DMD: variants seen among roughly 807,000 people sequenced by gnomAD.
DMD encodes mutant dystrophin.
Under a neutral mutation model 330.1 loss-of-function variants are expected in DMD, and 63 were observed. The observed-to-expected ratio is 0.19, with a 90% confidence interval of 0.16 to 0.24. DMD has a LOEUF of 0.24. Among genes scored for constraint, DMD ranks in the 10% least tolerant of loss-of-function variants. The probability of loss-of-function intolerance (pLI) is 1.00; values close to 1 mark genes in which losing one functional copy is unlikely to be tolerated. For synonymous variants in DMD, 1,223 were observed against 959.8 expected (o/e 1.27, Z -5.07); for missense variants, 3,344 against 2,684.1 (o/e 1.25, Z -5.43).
rs750954015 is a variant in DMD at position 33,070,578 on chromosome X, T to C, written c.32-50378A>G. Among the ~76,000 whole-genome samples, 33 of 105,917 alleles carry C rather than the reference T, an allele frequency of 3.1e-4. No individual in the cohort carries two copies. In the South Asian group the frequency reaches 6.4e-3, roughly 20 times the overall value. The allele number at this position is 105,917 out of a possible 115,157, so 92.0% of individuals were successfully genotyped here. On this transcript the variant is annotated intron_variant, in intron 1 of 78. Coordinates refer to ENST00000357033, the MANE Select transcript of DMD (RefSeq NM_004006.3). ...ATTAAAAAAGAGTATTTTATTTTTG[T>C]ATAATTAAAAAATCTAGTTCCTTCT... is the stretch of plus-strand genomic sequence containing the variant.
rs1286003026 is a variant in DMD at position 32,538,319 on chromosome X, C to A, written c.2168+6840G>T. ...CCATTGTGATTTGTTTTTGCCCCAC[C>A]TTAACCGAGCGATTAACCTTGTGAA... On this transcript the variant is annotated intron_variant, in intron 17 of 78. Transcript: ENST00000357033. Among the ~76,000 whole-genome samples, 23 of 111,587 alleles carry A rather than the reference C, an allele frequency of 2.1e-4. No homozygotes were observed. The Admixed American group carries it at 2.2e-3, about 11-fold the overall frequency.
chrX:32,612,363 G>C (rs1426076206), intron 12 of DMD, among the ~76,000 whole-genome samples: 1 of 111,869 alleles, frequency 8.9e-6, no homozygotes, highest in Non-Finnish European at 1.9e-5. Context: ...AGCCATTGCT[G>C]TACATCAACC....
chrX:31,978,723 T>C (rs191437100), intron 44 of DMD, among the ~76,000 whole-genome samples: 1 of 111,696 alleles, frequency 9.0e-6, no homozygotes, highest in African/African-American at 3.2e-5. Context: ...CCTTTGACTA[T>C]TCTCCATCCT....
At position 32,518,029 on chromosome X, in the gene DMD, T is replaced by G. The variant is rs1478763130; in HGVS notation, c.2271A>C (p.Ser757=). Residue 757 remains serine (S), a synonymous_variant, in exon 18 of 79, where the codon TCA becomes TCC. Transcript: ENST00000357033. ...FAIFRKEGNF[S]DLKEKVNAIE... ...CTACATTGACTTTTTCTTTTAAGTC[T>G]GAGAAGTTGCCTTCCTTCCGAAAGA... The G allele has an allele frequency of 5.8e-6, 7 of 1,209,086 alleles. No homozygotes were observed. In the South Asian group the frequency reaches 1.1e-4, roughly 18 times the overall value.
At chrX:33,261,419 T>G (rs1335189951) in intron 1 of DMD, among the ~76,000 whole-genome samples, 1 of 110,629 alleles carries the variant, frequency 9.0e-6, no homozygotes, top group Non-Finnish European at 1.9e-5. Context: ...TTTCCCCCCA[T>G]GGGTAGTGGC....
intron 27 of DMD, among the ~76,000 whole-genome samples, chrX:32,446,938 G>GA (rs1281781631): frequency 9.1e-6 from 1 of 110,302 alleles, no homozygotes; most frequent in Non-Finnish European, 1.9e-5. Context: ...GAAGGAAATG[G>GA]AAAAATAATC....
At chrX:31,935,786 C>CG (rs2094916094) in intron 45 of DMD, among the ~76,000 whole-genome samples, 2 of 110,545 alleles carry the variant, frequency 1.8e-5, no homozygotes, top group Admixed American at 1.9e-4. Context: ...CCCCAAACCC[C>CG]CCAAACAAAC....
chrX:32,596,557 A>C (rs1483994038), intron 12 of DMD, among the ~76,000 whole-genome samples: 1 of 104,277 alleles, frequency 9.6e-6, no homozygotes, highest in African/African-American at 3.5e-5. Context: ...TTTTTTTTCT[A>C]TTTTGGAGAC....
At chrX:31,659,639 G>GAAAAAA (rs869195395) in intron 53 of DMD, among the ~76,000 whole-genome samples, 3 of 39,972 alleles carry the variant, frequency 7.5e-5, no homozygotes, top group Admixed American at 2.6e-4. Context: ...CTCCATCTCG[G>GAAAAAA]AAAAAAAAAA....
intron 11 of DMD, among the ~76,000 whole-genome samples, chrX:32,634,334 T>C (rs2146656718): frequency 9.0e-6 from 1 of 111,516 alleles, no homozygotes; most frequent in South Asian, 3.8e-4. Context: ...CCCACTGTGG[T>C]CAAACTGGAA....
chrX:32,861,027 G>A (rs2082037940), intron 2 of DMD, among the ~76,000 whole-genome samples: 1 of 111,943 alleles, frequency 8.9e-6, no homozygotes. Flanking sequence ...AATGTTGACT[G>A]TACACCCAGA....
At chrX:31,797,033 C>T (rs887640922) in intron 50 of DMD, among the ~76,000 whole-genome samples, 17 of 111,746 alleles carry the variant, frequency 1.5e-4, no homozygotes, top group Non-Finnish European at 2.8e-4. Flanking sequence ...AATAAACCTT[C>T]CATTCTTTAT....
intron 7 of DMD, among the ~76,000 whole-genome samples, chrX:32,708,453 G>T (rs1408024467): frequency 9.0e-6 from 1 of 111,348 alleles, no homozygotes; most frequent in Non-Finnish European, 1.9e-5. Flanking sequence ...TCTATAAAAT[G>T]AGTCATATTA....
At chrX:31,690,762 T>G (rs191084055) in intron 52 of DMD, among the ~76,000 whole-genome samples, 1 of 111,737 alleles carries the variant, frequency 8.9e-6, no homozygotes, top group Non-Finnish European at 1.9e-5. Flanking sequence ...ATGTGGCACA[T>G]ATACACCATG....
intron 1 of DMD, among the ~76,000 whole-genome samples, chrX:33,238,327 T>G (rs187192096): frequency 8.9e-6 from 1 of 112,254 alleles, no homozygotes; most frequent in East Asian, 2.8e-4. Context: ...AAGATGTGTC[T>G]GAATATTCAC....
chrX:32,809,115 T>C (rs2077159057), intron 7 of DMD, among the ~76,000 whole-genome samples: 2 of 111,540 alleles, frequency 1.8e-5, no homozygotes, highest in South Asian at 7.5e-4. Flanking sequence ...ATGAATGAAA[T>C]TGGCAAGAGT....
intron 1 of DMD, among the ~76,000 whole-genome samples, chrX:33,052,689 A>G (rs947698068): frequency 1.8e-5 from 2 of 112,014 alleles, no homozygotes; most frequent in Admixed American, 9.6e-5. Flanking sequence ...TTGTCTCTCT[A>G]CTGAACAAAA....
chrX:32,510,839 C>A (rs2045221333), intron 18 of DMD, among the ~76,000 whole-genome samples: 1 of 111,205 alleles, frequency 9.0e-6, no homozygotes, highest in Admixed American at 9.5e-5. Flanking sequence ...TTTTCTTCAG[C>A]TCAAGTCCTG....
chrX:32,662,286 C>A (rs2060997925), intron 9 of DMD, among the ~76,000 whole-genome samples: 1 of 111,494 alleles, frequency 9.0e-6, no homozygotes, highest in Non-Finnish European at 1.9e-5. Flanking sequence ...GAAAGTACGG[C>A]AGCTCTTCAA....
Sources: gnomAD v4.1 joint callset for allele counts (sites outside exome capture counted in the v4.1 genomes callset) on GRCh38, gnomAD v4.1.1 for gene constraint, MANE v1.5 for transcripts, NCBI Gene and HGNC (gene_info 2026-07-23, HGNC 2026-07-21) for gene names.